CACNA2D1: variants seen among roughly 807,000 people sequenced by gnomAD.
CACNA2D1 encodes voltage-dependent calcium channel subunit alpha-2/delta-1.
CACNA2D1 carries 53 observed loss-of-function variants against 171.5 expected under a neutral mutation model. The ratio of observed to expected loss-of-function variants is 0.31; its 90% CI spans 0.25 to 0.39. The LOEUF (loss-of-function observed/expected upper bound fraction) is 0.39, where lower values mean the gene tolerates loss of function less well. CACNA2D1 is among the 10% of genes least tolerant of loss of function. The pLI, the probability that CACNA2D1 is intolerant of heterozygous loss-of-function variation, is 1.00. For missense variants in CACNA2D1, 903 were observed against 1,299.8 expected (o/e 0.69, Z 4.69); for synonymous variants, 442 against 443.1 (o/e 1.00, Z 0.03).
At chr7:82,101,194 A>T (rs1232157720) in intron 6 of CACNA2D1, among the ~76,000 whole-genome samples, 1 of 152,184 alleles carries the variant, frequency 6.6e-6, no homozygotes, top group African/African-American at 2.4e-5. Flanking sequence ...CTGCACAAGT[A>T]CCAACTGTAT....
At chr7:82,205,116 T>C (rs1799877866) in intron 3 of CACNA2D1, among the ~76,000 whole-genome samples, 1 of 152,148 alleles carries the variant, frequency 6.6e-6, no homozygotes, top group Non-Finnish European at 1.5e-5. Flanking sequence ...AGTAAAGCCA[T>C]GTCAAAACTC....
In CACNA2D1 at chr7:82,186,255, A is replaced by AAGGAAGGAAGGAAGG. The variant is rs1563174157; in HGVS notation, c.295-15647_295-15646insCCTTCCTTCCTTCCT. Among the ~76,000 whole-genome samples the AAGGAAGGAAGGAAGG allele has an allele frequency of 1.3e-3, 141 of 111,416 alleles. 2 individuals carry two copies. Among genetic ancestry groups the AAGGAAGGAAGGAAGG allele is most frequent in the African/African-American group, 4.1e-3 (117 of 28,272 alleles). 73.1% of individuals were successfully genotyped at this position (111,416 alleles called of 152,430 possible). On this transcript the variant is annotated intron_variant, in intron 3 of 38. Transcript: ENST00000356860. ...AGAAGGAAGGAAGGAAGGAAGGAAG[A>AAGGAAGGAAGGAAGG]AAGGAAGGAAGGAAGGAAGGAAGGA...
chr7:82,106,658 T>G (rs1053329233), intron 6 of CACNA2D1, among the ~76,000 whole-genome samples: 54 of 152,198 alleles, frequency 3.5e-4, no homozygotes, highest in Admixed American at 1.1e-3. Context: ...CACAATATTT[T>G]CTTTAAACAT....
chr7:82,240,809 A>G (rs577505547), intron 3 of CACNA2D1, among the ~76,000 whole-genome samples: 3 of 152,178 alleles, frequency 2.0e-5, no homozygotes, highest in Non-Finnish European at 4.4e-5. Context: ...TCTACTAAAA[A>G]TACAAAAATT....
At chr7:82,118,083 A>C (rs141150675) in intron 5 of CACNA2D1, among the ~76,000 whole-genome samples, 148 of 152,280 alleles carry the variant, frequency 9.7e-4, no homozygotes, top group African/African-American at 3.4e-3. Context: ...CTAACTCTAA[A>C]TACAATTAAA....
intron 3 of CACNA2D1, among the ~76,000 whole-genome samples, chr7:82,233,364 G>A (rs947925751): frequency 2.0e-5 from 3 of 151,978 alleles, no homozygotes; most frequent in Middle Eastern, 6.4e-3. Flanking sequence ...TTTTAACAAG[G>A]TAAACATATT....
chr7:82,329,640 T>C (rs1817059322), intron 3 of CACNA2D1, among the ~76,000 whole-genome samples: 1 of 152,202 alleles, frequency 6.6e-6, no homozygotes, highest in African/African-American at 2.4e-5. Flanking sequence ...ATGTTCATAA[T>C]AATGTTAAAT....
chr7:81,953,639 A>C (rs1034671049), intron 38 of CACNA2D1, among the ~76,000 whole-genome samples: 1 of 152,158 alleles, frequency 6.6e-6, no homozygotes, highest in Non-Finnish European at 1.5e-5. Context: ...TGATAAATGA[A>C]GAGTAGGTAC....
Position 82,005,817 on chromosome 7 carries a change from A to G in CACNA2D1, c.1463T>C (p.Met488Thr). Reference protein sequence around the residue: ...NLKNQLILGVMGVDVSLEDIK... With the variant: ...NLKNQLILGVTGVDVSLEDIK... ...ATCTTCCAAAGACACATCTACTCCC[A>G]TCACACCAAGAATCAGCTGGTTCTA... The change falls in exon 17 of 39, where the codon ATG becomes ACG. Residue 488 changes from methionine to threonine, a missense_variant. Physicochemically the swap from Met to Thr is moderately conservative, Grantham distance 81. Transcript: ENST00000356860. 5 of 1,606,952 alleles carry G rather than the reference A, an allele frequency of 3.1e-6. No individual in the cohort carries two copies. Among genetic ancestry groups the G allele is most frequent in the Non-Finnish European group, 4.3e-6 (5 of 1,173,572 alleles).
At chr7:82,386,212 A>T (rs750046017) in intron 1 of CACNA2D1, among the ~76,000 whole-genome samples, 2 of 152,156 alleles carry the variant, frequency 1.3e-5, no homozygotes, top group Non-Finnish European at 1.5e-5. Context: ...AGCAAGGGGA[A>T]AAAAATACTA....
intron 1 of CACNA2D1, among the ~76,000 whole-genome samples, chr7:82,372,885 T>C (rs4732445): frequency 0.7 from 105,691 of 152,044 alleles, 37,421 homozygotes; most frequent in African/African-American, 0.84. Flanking sequence ...ATTAATAATA[T>C]GAATAAACAC....
chr7:82,244,157 T>C (rs986832447), intron 3 of CACNA2D1, among the ~76,000 whole-genome samples: 10 of 152,168 alleles, frequency 6.6e-5, no homozygotes, highest in African/African-American at 2.4e-4. Flanking sequence ...GGGAAAACAT[T>C]TCATGGAAAC....
At chr7:82,113,699 C>G (rs1788703963) in intron 6 of CACNA2D1, among the ~76,000 whole-genome samples, 3 of 152,162 alleles carry the variant, frequency 2.0e-5, no homozygotes, top group African/African-American at 7.2e-5. Context: ...TCATTAAACT[C>G]AGAAGCCGAG....
intron 3 of CACNA2D1, among the ~76,000 whole-genome samples, chr7:82,277,491 C>T (rs1258101392): frequency 1.3e-5 from 2 of 152,072 alleles, no homozygotes; most frequent in African/African-American, 2.4e-5. Context: ...TGAGCCACTG[C>T]GCCCAACCCC....
chr7:82,294,561 A>G (rs1812038226), intron 3 of CACNA2D1, among the ~76,000 whole-genome samples: 1 of 152,144 alleles, frequency 6.6e-6, no homozygotes, highest in Admixed American at 6.5e-5. Context: ...CAGATTGACT[A>G]ATGGTTAATG....
At chr7:81,961,395 A>G (rs1268152199) in intron 36 of CACNA2D1, among the ~76,000 whole-genome samples, 1 of 152,020 alleles carries the variant, frequency 6.6e-6, no homozygotes, top group Non-Finnish European at 1.5e-5. Context: ...TAAAGATAAC[A>G]TTCAGTTCTT....
intron 1 of CACNA2D1, among the ~76,000 whole-genome samples, chr7:82,405,655 A>C (rs1826949208): frequency 6.6e-6 from 1 of 152,226 alleles, no homozygotes; most frequent in Admixed American, 6.5e-5. Flanking sequence ...AATGCAAATT[A>C]TCATGACTGT....
intron 20 of CACNA2D1, among the ~76,000 whole-genome samples, chr7:81,994,484 T>C: frequency 6.6e-6 from 1 of 152,086 alleles, no homozygotes; most frequent in East Asian, 1.9e-4. Context: ...AGGCAAATCA[T>C]GTAAAACATA....
At chr7:82,148,919 G>A (rs1040029822) in intron 4 of CACNA2D1, among the ~76,000 whole-genome samples, 1 of 152,214 alleles carries the variant, frequency 6.6e-6, no homozygotes, top group Non-Finnish European at 1.5e-5. Context: ...TTACAGGCGT[G>A]AGCCACTACA....
Sources: allele counts gnomAD v4.1 joint callset (sites outside exome capture counted in the v4.1 genomes callset), GRCh38; gene constraint gnomAD v4.1.1; transcripts MANE v1.5; gene names NCBI Gene and HGNC (gene_info 2026-07-23, HGNC 2026-07-21).